The following MAGI2 variants were observed in gnomAD, a reference collection of about 807,000 sequenced individuals.
The protein encoded by MAGI2 is membrane associated guanylate kinase, WW and PDZ domain containing 2.
MAGI2 carries 35 observed loss-of-function variants against 133.3 expected under a neutral mutation model. The ratio of observed to expected loss-of-function variants is 0.26; its 90% CI spans 0.20 to 0.35. The LOEUF is 0.35. Among genes scored for constraint, MAGI2 ranks in the 10% least tolerant of loss-of-function variants. MAGI2 has a pLI of 1.00. For missense variants in MAGI2, 1,636 were observed against 1,863.4 expected (o/e 0.88, Z 2.25); for synonymous variants, 729 against 710.6 (o/e 1.03, Z -0.41).
chr7:78,174,331 T>A (rs986927073), intron 14 of MAGI2, among the ~76,000 whole-genome samples: 3 of 152,176 alleles, frequency 2.0e-5, no homozygotes, highest in African/African-American at 7.2e-5. Context: ...ATCTTTCTGG[T>A]GGAAACCCCT....
At chr7:78,631,054 T>A (rs1808939788) in intron 2 of MAGI2, among the ~76,000 whole-genome samples, 1 of 152,142 alleles carries the variant, frequency 6.6e-6, no homozygotes, top group Non-Finnish European at 1.5e-5. Flanking sequence ...GTTGGAAGCT[T>A]CCTGTCGAAG....
At chr7:78,974,426 G>T (rs1278705081) in intron 2 of MAGI2, among the ~76,000 whole-genome samples, 1 of 151,794 alleles carries the variant, frequency 6.6e-6, no homozygotes, top group Non-Finnish European at 1.5e-5. Context: ...TAATTCATGA[G>T]CATGCAGTAT....
intron 2 of MAGI2, among the ~76,000 whole-genome samples, chr7:78,645,660 TG>T (rs1810803529): frequency 6.6e-6 from 1 of 151,840 alleles, no homozygotes; most frequent in African/African-American, 2.4e-5. Flanking sequence ...TGTGTGTGTG[TG>T]TGTGTGTGTA....
At chr7:78,341,491 A>G (rs756757230) in intron 9 of MAGI2, among the ~76,000 whole-genome samples, 1 of 152,176 alleles carries the variant, frequency 6.6e-6, no homozygotes, top group Admixed American at 6.5e-5. Context: ...AAAAGAGCCC[A>G]CATTGCTAAG....
At chr7:78,902,536 G>A in intron 2 of MAGI2, 1 of 152,124 alleles carries the variant, frequency 6.6e-6, no homozygotes, top group East Asian at 1.9e-4. Flanking sequence ...TGGTGATTAA[G>A]AACCATGGCG....
chr7:78,458,084 T>C (rs1789513665), intron 6 of MAGI2, among the ~76,000 whole-genome samples: 1 of 151,884 alleles, frequency 6.6e-6, no homozygotes, highest in African/African-American at 2.4e-5. Context: ...GATCATGAGG[T>C]CAGGAGATCG....
intron 4 of MAGI2, 59 bp downstream of exon 4, chr7:78,521,371 A>G: frequency 8.0e-7 from 1 of 1,243,438 alleles, no homozygotes; most frequent in Non-Finnish European, 1.2e-6. Context: ...ATGTGTACAT[A>G]TATATCTTAG....
intron 1 of MAGI2, among the ~76,000 whole-genome samples, chr7:79,248,384 C>T (rs183389320): frequency 4.3e-4 from 66 of 152,090 alleles, no homozygotes; most frequent in Non-Finnish European, 6.9e-4. Flanking sequence ...ATTGTTAGAG[C>T]TAGAGACAGA....
intron 9 of MAGI2, among the ~76,000 whole-genome samples, chr7:78,324,233 G>C (rs911682718): frequency 1.2e-4 from 17 of 143,206 alleles, no homozygotes; most frequent in Admixed American, 4.1e-4. Flanking sequence ...CCTGACTGAG[G>C]GGGAAAAAAA....
chr7:78,759,600 C>T (rs1196116207), intron 2 of MAGI2, among the ~76,000 whole-genome samples: 1 of 152,054 alleles, frequency 6.6e-6, no homozygotes, highest in East Asian at 1.9e-4. Context: ...ATTTGAATGT[C>T]ATGTTGTTAA....
intron 4 of MAGI2, among the ~76,000 whole-genome samples, chr7:78,507,357 C>T (rs1795178534): frequency 6.6e-6 from 1 of 152,088 alleles, no homozygotes; most frequent in African/African-American, 2.4e-5. Flanking sequence ...GGAACCAGGG[C>T]AGGGCTTCCA....
intron 1 of MAGI2, among the ~76,000 whole-genome samples, chr7:79,207,015 T>A (rs1829114436): frequency 6.6e-6 from 1 of 151,922 alleles, no homozygotes; most frequent in African/African-American, 2.4e-5. Flanking sequence ...TTTAACAACC[T>A]TTGACAATGA....
intron 1 of MAGI2, among the ~76,000 whole-genome samples, chr7:79,311,723 A>G (rs1251073764): frequency 2.6e-5 from 4 of 152,178 alleles, no homozygotes; most frequent in Admixed American, 1.3e-4. Context: ...TGAATGTTCA[A>G]TAAACACCTC....
At chr7:78,671,663 C>T (rs1814409719) in intron 2 of MAGI2, among the ~76,000 whole-genome samples, 1 of 152,086 alleles carries the variant, frequency 6.6e-6, no homozygotes, top group South Asian at 2.1e-4. Context: ...TCACTTGGCA[C>T]TGCATAAAGA....
intron 1 of MAGI2, among the ~76,000 whole-genome samples, chr7:79,100,632 G>C (rs947171633): frequency 6.6e-6 from 1 of 151,066 alleles, no homozygotes; most frequent in African/African-American, 2.4e-5. Context: ...CCTGATTATG[G>C]TTTAAGTTAA....
intron 1 of MAGI2, among the ~76,000 whole-genome samples, chr7:79,086,077 A>C (rs1392857058): frequency 2.0e-5 from 3 of 151,834 alleles, no homozygotes; most frequent in Non-Finnish European, 1.5e-5. Flanking sequence ...TCACATTCCA[A>C]AGTTTTTCCT....
intron 2 of MAGI2, among the ~76,000 whole-genome samples, chr7:78,993,559 A>G (rs999892235): frequency 6.6e-6 from 1 of 151,976 alleles, no homozygotes; most frequent in Non-Finnish European, 1.5e-5. Context: ...CCACAGTAGC[A>G]GTTTCTCAAT....
chr7:79,064,107 T>C (rs1446842801), intron 1 of MAGI2, among the ~76,000 whole-genome samples: 1 of 151,988 alleles, frequency 6.6e-6, no homozygotes, highest in Non-Finnish European at 1.5e-5. Flanking sequence ...GTGTCACAGA[T>C]GATACAATAA....
At chr7:78,284,099 C>G (rs1450819305) in intron 9 of MAGI2, among the ~76,000 whole-genome samples, 1 of 151,812 alleles carries the variant, frequency 6.6e-6, no homozygotes, top group Non-Finnish European at 1.5e-5. Flanking sequence ...ACAGCACAAA[C>G]AAGAAAAAAT....
Sources: allele counts gnomAD v4.1 joint callset (sites outside exome capture counted in the v4.1 genomes callset), GRCh38; gene constraint gnomAD v4.1.1; transcripts MANE v1.5; gene names NCBI Gene and HGNC (gene_info 2026-07-23, HGNC 2026-07-21).